The following TSPEAR variants were observed in gnomAD, a reference collection of about 807,000 sequenced individuals.
The protein encoded by TSPEAR is thrombospondin type laminin G domain and EAR repeats, also known as thrombospondin-type laminin G domain and EAR repeat-containing protein.
A neutral mutation model predicts 71.6 loss-of-function variants in TSPEAR; 69 were observed. The observed-to-expected ratio is 0.96, with a 90% CI of 0.79 to 1.18. TSPEAR has a LOEUF of 1.18. Ranked by LOEUF, TSPEAR falls within the 50% of genes most tolerant of loss-of-function variation. The pLI is 0.00. For synonymous variants in TSPEAR, 402 were observed against 387.2 expected (o/e 1.04, Z -0.45); for missense variants, 971 against 894.9 (o/e 1.09, Z -1.09).
At position 44,711,141 on chromosome 21, in the gene TSPEAR, C is replaced by T. The variant is rs1555953519; in HGVS notation, c.82+292G>A. Among the ~76,000 whole-genome samples the T allele has an allele frequency of 6.6e-6, 1 of 152,228 alleles. No homozygotes were observed. The highest frequency in any genetic ancestry group is 2.4e-5 in the African/African-American group (1 of 41,456). ...TTTCCCGGGAGGCCCAGCAGGTAAG[C>T]ACTTGTGGAGGCCCCGGTGGCTGCT... On this transcript the variant is annotated intron_variant, in intron 1 of 11. Transcript: ENST00000323084. The surrounding 1 kb of genome is among the most constrained non-coding windows in gnomAD (Gnocchi z 4.5).
intron 2 of TSPEAR, among the ~76,000 whole-genome samples, chr21:44,535,459 C>T (rs1183728389): frequency 6.6e-6 from 1 of 152,190 alleles, no homozygotes; most frequent in African/African-American, 2.4e-5. Context: ...AGACAGCATA[C>T]AGTCACGTAC....
In TSPEAR at chr21:44,623,096, G is replaced by C. The variant is rs1555933791; in HGVS notation, c.83-55091C>G. On this transcript the variant is annotated intron_variant, in intron 1 of 11. Transcript: ENST00000323084. This position sits in a 1 kb window ranked among gnomAD's most constrained non-coding sequence, Gnocchi z 4.5. ...AGCAGATGCCAGCGCCATGTTTCCT[G>C]TACAACCTGCAGAACCATGAGCCAA... 6.6e-6 allele frequency among the ~76,000 whole-genome samples: 1 copy of C among 152,116 alleles called. No individual in the cohort carries two copies. Among genetic ancestry groups the C allele is most frequent in the African/African-American group, 2.4e-5 (1 of 41,398 alleles).
chr21:44,671,835 TG>T (rs1327855966), intron 1 of TSPEAR, among the ~76,000 whole-genome samples: 2 of 152,056 alleles, frequency 1.3e-5, no homozygotes, highest in Admixed American at 1.3e-4. Context: ...ACAAGAATTG[TG>T]CAACAGATTC....
intron 11 of TSPEAR, 39 bp downstream of exon 11, chr21:44,504,741 C>G: frequency 6.6e-7 from 1 of 1,503,796 alleles, no homozygotes; most frequent in Non-Finnish European, 9.2e-7. Context: ...AGTGGGGAAG[C>G]AAGGCTCTGG....
At chr21:44,545,138 T>C (rs2053280893) in intron 2 of TSPEAR, among the ~76,000 whole-genome samples, 1 of 151,506 alleles carries the variant, frequency 6.6e-6, no homozygotes. Context: ...GCTAACATGG[T>C]GAAACCCCGT....
chr21:44,651,047 GGGGAGA>G (rs1984758179), intron 1 of TSPEAR, among the ~76,000 whole-genome samples: 1 of 152,030 alleles, frequency 6.6e-6, no homozygotes. Flanking sequence ...AGTAGAACCT[GGGGAGA>G]GGACAGGTCT....
intron 8 of TSPEAR, among the ~76,000 whole-genome samples, chr21:44,525,336 G>T (rs2052832847): frequency 6.6e-6 from 1 of 152,132 alleles, no homozygotes; most frequent in Non-Finnish European, 1.5e-5. Flanking sequence ...TAGTCAGTCG[G>T]GTAGTCAGTG....
rs372545762 is a variant in TSPEAR, at chr21:44,509,010, TTCCCCAGGCCAGGAAAG to T, written c.1754+172_1754+188del. On this transcript the variant is annotated intron_variant, in intron 10 of 11. Transcript: ENST00000323084. ...ACCTGTGTCTCAGGGCGGCACTGAC[TTCCCCAGGCCAGGAAAG>T]TCCCCAGGCCATTCTTTCCACAGGA... 6.3e-5 allele frequency: 94 copies of T among 1,495,262 alleles called. 1 individual carries two copies. In the African/African-American group the frequency reaches 8.2e-4, roughly 13 times the overall value. 92.6% of individuals were successfully genotyped at this position (1,495,262 alleles called of 1,614,324 possible). A position where few individuals can be genotyped will look rare whatever the true frequency, so the allele number is the denominator to read the frequency against.
chr21:44,697,050 C>T, intron 1 of TSPEAR: 1 of 1,168,982 alleles, frequency 8.6e-7, no homozygotes, highest in Non-Finnish European at 1.2e-6. Context: ...TCCCTCCTGC[C>T]CATCCAGCAC....
intron 1 of TSPEAR, among the ~76,000 whole-genome samples, chr21:44,629,171 G>A (rs782075013): frequency 2.0e-5 from 3 of 152,186 alleles, no homozygotes; most frequent in African/African-American, 4.8e-5. Flanking sequence ...CACTCTTCTC[G>A]CCTTAGGAGA....
At chr21:44,645,610 C>G (rs1029707050) in intron 1 of TSPEAR, among the ~76,000 whole-genome samples, 2 of 152,022 alleles carry the variant, frequency 1.3e-5, no homozygotes, top group African/African-American at 4.8e-5. Context: ...CCTCAGCCCC[C>G]CAAAGTACTG....
At chr21:44,667,050 G>A (rs9974365) in intron 1 of TSPEAR, 152,083 of 803,030 alleles carry the variant, frequency 0.19, 15,145 homozygotes, top group Non-Finnish European at 0.21. Flanking sequence ...TTAATTTTCT[G>A]TTGTAGGTGT....
At chr21:44,553,024 G>A (rs1555919302) in intron 2 of TSPEAR, among the ~76,000 whole-genome samples, 1 of 152,236 alleles carries the variant, frequency 6.6e-6, no homozygotes, top group Non-Finnish European at 1.5e-5. Context: ...CAGACCTGGA[G>A]CTGCAAATTA....
intron 1 of TSPEAR, chr21:44,579,323 C>A (rs1285653519): frequency 4.6e-6 from 1 of 216,140 alleles, no homozygotes; most frequent in African/African-American, 2.3e-5. Context: ...CACCTGGTGA[C>A]CCCCTGGAGG....
intron 1 of TSPEAR, among the ~76,000 whole-genome samples, chr21:44,607,542 G>A (rs1238399485): frequency 2.0e-5 from 3 of 152,326 alleles, no homozygotes; most frequent in African/African-American, 2.4e-5. Flanking sequence ...TCTTCACGAC[G>A]TTGTGGTAGG....
chr21:44,647,251 T>C lies in TSPEAR; in HGVS notation c.82+64182A>G, dbSNP rs79740360. On this transcript the variant is annotated intron_variant, in intron 1 of 11. Transcript: ENST00000323084. ...CTGTGCCCCCACCTCCTCCTGCCAG[T>C]CCAGCTGCTGCCGCCCGGCCTCCTG... 5,221 of 1,602,502 alleles carry C rather than the reference T, an allele frequency of 3.3e-3. 89 individuals carry two copies. In the African/African-American group the frequency reaches 0.052, roughly 16 times the overall value.
intron 1 of TSPEAR, among the ~76,000 whole-genome samples, chr21:44,662,915 A>G (rs1985570674): frequency 1.3e-5 from 2 of 152,240 alleles, no homozygotes; most frequent in Non-Finnish European, 2.9e-5. Flanking sequence ...TTTGAATTAA[A>G]TACAAATTAA....
At chr21:44,524,558 TGTAGTCAG>T (rs2052807783) in intron 8 of TSPEAR, among the ~76,000 whole-genome samples, 1 of 148,318 alleles carries the variant, frequency 6.7e-6, no homozygotes, top group Non-Finnish European at 1.5e-5. Flanking sequence ...CAGTCAGTGA[TGTAGTCAG>T]GTAGTCAGTC....
intron 2 of TSPEAR, among the ~76,000 whole-genome samples, chr21:44,549,846 G>C (rs782531380): frequency 1.3e-5 from 2 of 152,208 alleles, no homozygotes; most frequent in African/African-American, 4.8e-5. Flanking sequence ...TGGAGGCCGC[G>C]TCTCTGTTCT....
Sources: gnomAD v4.1 joint callset for allele counts (sites outside exome capture counted in the v4.1 genomes callset) on GRCh38, gnomAD v4.1.1 for gene constraint, Gnocchi (gnomAD v3.1) non-coding constraint, MANE v1.5 for transcripts, NCBI Gene and HGNC (gene_info 2026-07-23, HGNC 2026-07-21) for gene names.